The following EMP1 variants were observed in gnomAD, a reference collection of about 807,000 sequenced individuals.
EMP1 encodes epithelial membrane protein 1, also known as tumor-associated membrane protein.
Under a neutral mutation model 15.7 loss-of-function variants are expected in EMP1, and 5 were observed. The observed-to-expected ratio is 0.32, with a 90% confidence interval of 0.17 to 0.67. The LOEUF (loss-of-function observed/expected upper bound fraction) is 0.67, where lower values mean the gene tolerates loss of function less well. Among genes scored for constraint, EMP1 ranks in the 30% least tolerant of loss-of-function variants. The pLI is 0.74. For missense variants in EMP1, 166 were observed against 194.2 expected (o/e 0.85, Z 0.86); for synonymous variants, 78 against 76.7 (o/e 1.02, Z -0.09).
rs757899685 is a variant in EMP1 at position 13,219,844 on chromosome 12, C to A, written c.*5153C>A. On this transcript the variant is annotated 3_prime_UTR_variant, in exon 5 of 5. Transcript: ENST00000256951. ...GGAACTCAGAGTATATTTTTCCATA[C>A]GAAAAATTCAGAACTATTTTATTTA... 2 of 152,168 alleles carry A rather than the reference C, an allele frequency of 1.3e-5. No individual in the cohort carries two copies. The highest frequency in any genetic ancestry group is 2.1e-4 in the South Asian group (1 of 4,820). 9.4% of individuals were successfully genotyped at this position (152,168 alleles called of 1,614,324 possible).
intron 1 of EMP1, among the ~76,000 whole-genome samples, chr12:13,200,076 A>G (rs1025298461): frequency 1.1e-4 from 16 of 150,528 alleles, no homozygotes; most frequent in Admixed American, 2.0e-4. Context: ...GAGGTATTTA[A>G]TTTTCTAAAT....
chr12:13,207,755 C>T lies in EMP1; in HGVS notation c.-42-3714C>T, dbSNP rs143198698. ...TGAGGCTTAAGAAGGAGATCATCCT[C>T]CACTCACAGTGGTGGGTACAGAAAT... On this transcript the variant is annotated intron_variant, in intron 1 of 4. Transcript: ENST00000256951. Among the ~76,000 whole-genome samples, 67 of 152,286 alleles carry T rather than the reference C, an allele frequency of 4.4e-4. No homozygotes were observed. The East Asian group carries it at 8.5e-3, about 19-fold the overall frequency.
chr12:13,211,649 T>G lies in EMP1; in HGVS notation c.78+61T>G. On this transcript the variant is annotated intron_variant, in intron 2 of 4. Transcript: ENST00000256951. The surrounding 1 kb of genome is among the most constrained non-coding windows in gnomAD (Gnocchi z 4.7). ...AAATCATTCGAATATTTACATCAAG[T>G]GCACAAAAGAAGTTTAAGCCACAGC... 5.6e-6 allele frequency: 9 copies of G among 1,593,736 alleles called. No individual in the cohort carries two copies. In the South Asian group the frequency reaches 8.9e-5, roughly 16 times the overall value.
In EMP1 at chr12:13,213,719, A is replaced by G. The variant is rs763836564; in HGVS notation, c.214A>G (p.Ile72Val). The G allele has an allele frequency of 9.3e-6, 15 of 1,613,924 alleles. No individual in the cohort carries two copies. Among genetic ancestry groups the G allele is most frequent in the South Asian group, 6.6e-5 (6 of 91,060 alleles). Residue 72 changes from isoleucine to valine, a missense_variant, in exon 4 of 5, where the codon ATC (isoleucine) becomes GTC (valine). Ile to Val is a conservative substitution (Grantham distance 29). Coordinates refer to ENST00000256951, the MANE Select transcript of EMP1 (RefSeq NM_001423.3). ...AGTGCAGGCCTTCATGATTCTCTCT[A>G]TCATCTTCTGTGTCATTGCCCTCCT... ...KTVQAFMILS[I>V]IFCVIALLVF...
intron 1 of EMP1, among the ~76,000 whole-genome samples, chr12:13,204,179 C>T (rs1273319364): frequency 6.6e-6 from 1 of 152,172 alleles, no homozygotes; most frequent in Non-Finnish European, 1.5e-5. Context: ...CCACACCAAA[C>T]ATGAGCTATG....
rs1489349337 is a variant in EMP1 at position 13,218,307 on chromosome 12, G to A, written c.*3616G>A. On this transcript the variant is annotated 3_prime_UTR_variant, in exon 5 of 5. Transcript: ENST00000256951. Reference sequence around the variant, plus strand: ...GGCATATGAAGACCAAAAGGATATTGAGCAGGGTTCCATACTTGAATAAAG... The same window carrying A: ...GGCATATGAAGACCAAAAGGATATTAAGCAGGGTTCCATACTTGAATAAAG... The A allele has an allele frequency of 6.6e-6, 1 of 152,202 alleles. No individual in the cohort carries two copies. Among genetic ancestry groups the A allele is most frequent in the Non-Finnish European group, 1.5e-5 (1 of 68,044 alleles). 9.4% of individuals were successfully genotyped at this position (152,202 alleles called of 1,614,324 possible). A position where few individuals can be genotyped will look rare whatever the true frequency, so the allele number is the denominator to read the frequency against.
At chr12:13,210,049 G>C (rs1183059022) in intron 1 of EMP1, among the ~76,000 whole-genome samples, 1 of 152,208 alleles carries the variant, frequency 6.6e-6, no homozygotes, top group Non-Finnish European at 1.5e-5. Context: ...TGCTTGCAGA[G>C]AGCAAGGCAC....
intron 2 of EMP1, among the ~76,000 whole-genome samples, chr12:13,212,566 T>C (rs1454740744): frequency 6.6e-6 from 1 of 152,262 alleles, no homozygotes; most frequent in Non-Finnish European, 1.5e-5. Flanking sequence ...ATATGTCAAC[T>C]CCTATATCTA....
At chr12:13,208,220 G>A (rs890290861) in intron 1 of EMP1, among the ~76,000 whole-genome samples, 2 of 152,182 alleles carry the variant, frequency 1.3e-5, no homozygotes, top group Non-Finnish European at 2.9e-5. Context: ...TCACAATGGG[G>A]CAGAGAATGA....
At chr12:13,201,720 G>C (rs1046827782) in intron 1 of EMP1, among the ~76,000 whole-genome samples, 5 of 152,090 alleles carry the variant, frequency 3.3e-5, no homozygotes, top group African/African-American at 1.2e-4. Context: ...CTCGGCACTA[G>C]GAATAAAAGA....
chr12:13,213,837 G>T lies in EMP1; in HGVS notation c.316+16G>T. Reference sequence around the variant, plus strand: ...CTGGTGTGCTGTGAGTATCTCATGGGTAGACTCCAGTTTACACTTTTAAGT... The same window carrying T: ...CTGGTGTGCTGTGAGTATCTCATGGTTAGACTCCAGTTTACACTTTTAAGT... On this transcript the variant is annotated intron_variant, in intron 4 of 4. Transcript: ENST00000256951. 6.2e-7 allele frequency: 1 copy of T among 1,612,890 alleles called. No individual in the cohort carries two copies.
At chr12:13,200,661 C>T (rs1190820087) in intron 1 of EMP1, among the ~76,000 whole-genome samples, 1 of 152,226 alleles carries the variant, frequency 6.6e-6, no homozygotes. Flanking sequence ...TGGTGTCCTG[C>T]CTGGGTAAAA....
At chr12:13,198,660 C>T (rs865836543) in intron 1 of EMP1, among the ~76,000 whole-genome samples, 4 of 152,284 alleles carry the variant, frequency 2.6e-5, no homozygotes, top group Middle Eastern at 3.4e-3. Flanking sequence ...TAGTTCTGTG[C>T]AGGTTAAAAC....
At position 13,217,463 on chromosome 12, in the gene EMP1, A is replaced by G. The variant is rs888111168; in HGVS notation, c.*2772A>G. The G allele has an allele frequency of 1.3e-5, 2 of 152,240 alleles. No individual in the cohort carries two copies. The highest frequency in any genetic ancestry group is 2.9e-5 in the Non-Finnish European group (2 of 68,044). 9.4% of individuals were successfully genotyped at this position (152,240 alleles called of 1,614,324 possible). A position where few individuals can be genotyped will look rare whatever the true frequency, so the allele number is the denominator to read the frequency against. ...AGTTCAACATATTTTAAGTCAATTA[A>G]TCAAATTGCATTGATTCTTGATGCT... On this transcript the variant is annotated 3_prime_UTR_variant, in exon 5 of 5. Transcript: ENST00000256951.
At chr12:13,206,927 TTGTGTGTG>T (rs58176335) in intron 1 of EMP1, among the ~76,000 whole-genome samples, 57,687 of 148,856 alleles carry the variant, frequency 0.39, 11,159 homozygotes, top group Middle Eastern at 0.48. Context: ...ATTCTTTCAT[TTGTGTGTG>T]TGTGTGTGTG....
chr12:13,214,553 G>C lies in EMP1; in HGVS notation c.336G>C (p.Gly112=). The C allele has an allele frequency of 6.2e-7, 1 of 1,612,810 alleles. No individual in the cohort carries two copies. The highest frequency in any genetic ancestry group is 8.5e-7 in the Non-Finnish European group (1 of 1,179,540). ...CTGCAGGGCTGTGCATTCTTGTGGG[G>C]GTGTCCATCTACACTAGTCATTATG... ...TLVCWLCILV[G]VSIYTSHYAN... is the part of the protein sequence containing the mutation. The change falls in exon 5 of 5, where the codon GGG becomes GGC. Residue 112 remains glycine (G), a synonymous_variant. Coordinates refer to ENST00000256951, the MANE Select transcript of EMP1 (RefSeq NM_001423.3).
In EMP1 at chr12:13,211,470, A is replaced by G; in HGVS notation, c.-41A>G. ...TTGTCCCTTTCTTTTTCTTTTCAGA[A>G]CTCTCTTTGCTCACAAGTTACCAAA... On this transcript the variant is annotated splice_region_variant and 5_prime_UTR_variant, in exon 2 of 5. Coordinates refer to ENST00000256951, the MANE Select transcript of EMP1 (RefSeq NM_001423.3). This position sits in a 1 kb window ranked among gnomAD's most constrained non-coding sequence, Gnocchi z 4.7. 1 of 1,595,806 alleles carries G rather than the reference A, an allele frequency of 6.3e-7. No individual in the cohort carries two copies. The highest frequency in any genetic ancestry group is 8.5e-7 in the Non-Finnish European group (1 of 1,171,804).
chr12:13,214,653 A>G lies in EMP1; in HGVS notation c.436A>G (p.Ile146Val), dbSNP rs1221673346. 1 of 1,613,434 alleles carries G rather than the reference A, an allele frequency of 6.2e-7. No homozygotes were observed. The highest frequency in any genetic ancestry group is 8.5e-7 in the Non-Finnish European group (1 of 1,179,894). ...CTGGATCTGCTTCTGCTTCAGCTTC[A>G]TCATCGGCGTTCTCTATCTGGTCCT... Reference protein sequence around the residue: ...LGWICFCFSFIIGVLYLVLRK... With the variant: ...LGWICFCFSFVIGVLYLVLRK... Residue 146 changes from isoleucine (I) to valine (V), a missense_variant, in exon 5 of 5, where the codon ATC becomes GTC. Coordinates refer to ENST00000256951, the MANE Select transcript of EMP1 (RefSeq NM_001423.3).
In EMP1 at chr12:13,211,492, C is replaced by CA. The variant is rs561332299; in HGVS notation, c.-9dup. 6.7e-3 allele frequency: 8,446 copies of CA among 1,264,574 alleles called. 12 individuals are homozygous for CA. Among genetic ancestry groups the CA allele is most frequent in the Admixed American group, 0.044 (2,182 of 49,222 alleles). The allele number at this position is 1,264,574 out of a possible 1,614,324, so 78.3% of individuals were successfully genotyped here. A position where few individuals can be genotyped will look rare whatever the true frequency, so the allele number is the denominator to read the frequency against. ...AGAACTCTCTTTGCTCACAAGTTAC[C>CA]AAAAAAAAAAGAGCCAACATGTTGG... On this transcript the variant is annotated 5_prime_UTR_variant, in exon 2 of 5. Coordinates refer to ENST00000256951, the MANE Select transcript of EMP1 (RefSeq NM_001423.3). The surrounding 1 kb of genome is among the most constrained non-coding windows in gnomAD (Gnocchi z 4.7).
Sources: allele counts gnomAD v4.1 joint callset (sites outside exome capture counted in the v4.1 genomes callset), GRCh38; gene constraint gnomAD v4.1.1; non-coding constraint Gnocchi (gnomAD v3.1); transcripts MANE v1.5; gene names NCBI Gene and HGNC (gene_info 2026-07-23, HGNC 2026-07-21).